Variants in TMC5 observed in about 807,000 individuals in gnomAD.
The protein encoded by TMC5 is transmembrane channel-like protein 5.
TMC5 carries 86 observed loss-of-function variants against 110.5 expected under a neutral mutation model. That is an observed-to-expected ratio of 0.78 (90% confidence interval 0.65 to 0.93). TMC5 has a LOEUF of 0.93. TMC5 is among the 40% of genes least tolerant of loss of function. TMC5 has a pLI of 0.00. For missense variants in TMC5, 1,144 were observed against 1,222.8 expected (o/e 0.94, Z 0.96); for synonymous variants, 455 against 439.5 (o/e 1.04, Z -0.44).
chr16:19,448,304 G>GCACACACACACA (rs35504788), intron 4 of TMC5, among the ~76,000 whole-genome samples: 1 of 142,188 alleles, frequency 7.0e-6, no homozygotes, highest in Non-Finnish European at 1.5e-5. Context: ...ACACACACAC[G>GCACACACACACA]CACACACACA....
Position 19,497,978 on chromosome 16 carries a change from G to T in TMC5, c.*12G>T. 1 of 1,612,998 alleles carries T rather than the reference G, an allele frequency of 6.2e-7. No individual in the cohort carries two copies. The highest frequency in any genetic ancestry group is 8.5e-7 in the Non-Finnish European group (1 of 1,179,042). On this transcript the variant is annotated 3_prime_UTR_variant, in exon 22 of 22. Coordinates refer to ENST00000542583, the MANE Select transcript of TMC5 (RefSeq NM_001261841.2). Reference sequence around the variant, plus strand: ...ATCCAAGGGCCTGATGACTCTTTTGGTAACCAGACACCAATCAAATAAGGG... The same window carrying T: ...ATCCAAGGGCCTGATGACTCTTTTGTTAACCAGACACCAATCAAATAAGGG...
rs145726955 is a variant in TMC5, at chr16:19,469,687, C to T, written c.1644C>T (p.Ala548=). The change falls in exon 10 of 22, where the codon GCC becomes GCT. Residue 548 remains alanine (A), a synonymous_variant. Coordinates refer to ENST00000542583, the MANE Select transcript of TMC5 (RefSeq NM_001261841.2). The part of the protein sequence containing the change: ...TCFFSLLFSM[A]KYFRNNFINP... ...TGCTTTCTGCCTTCTCTAGCATGGCCAAGTATTTCCGGAACAACTTCATTA... is the reference window on the plus strand; with the variant it reads ...TGCTTTCTGCCTTCTCTAGCATGGCTAAGTATTTCCGGAACAACTTCATTA... The T allele has an allele frequency of 1.2e-4, 190 of 1,613,978 alleles. No homozygotes were observed. The African/African-American group carries it at 1.9e-3, about 16-fold the overall frequency.
At chr16:19,454,154 T>G (rs1403188255) in intron 5 of TMC5, among the ~76,000 whole-genome samples, 5 of 151,782 alleles carry the variant, frequency 3.3e-5, no homozygotes. Flanking sequence ...TTCAAGCAAT[T>G]CTCCAGCCTC....
At chr16:19,485,133 CAAAT>C (rs1968709086) in intron 15 of TMC5, among the ~76,000 whole-genome samples, 1 of 125,158 alleles carries the variant, frequency 8.0e-6, no homozygotes, top group African/African-American at 3.0e-5. Context: ...TTTTTTTACT[CAAAT>C]AAGTTTTTTT....
In TMC5 at chr16:19,462,317, T is replaced by C. The variant is rs563747358; in HGVS notation, c.1149-963T>C. Among the ~76,000 whole-genome samples, 7 of 152,252 alleles carry C rather than the reference T, an allele frequency of 4.6e-5. No homozygotes were observed. The East Asian group carries it at 1.4e-3, about 29-fold the overall frequency. ...GATCTCTATGTACTTGATGCCAATA[T>C]CACCCCCTCTCCACTCCTTAGTTTC... On this transcript the variant is annotated intron_variant, in intron 6 of 21. Coordinates refer to ENST00000542583, the MANE Select transcript of TMC5 (RefSeq NM_001261841.2).
intron 1 of TMC5, among the ~76,000 whole-genome samples, chr16:19,418,618 TTTAC>T (rs1173110625): frequency 6.6e-6 from 1 of 152,138 alleles, no homozygotes; most frequent in Non-Finnish European, 1.5e-5. Context: ...AAAAAATCTA[TTTAC>T]TTCTTTATGG....
At chr16:19,453,376 G>GCTGACC (rs1967793267) in intron 5 of TMC5, among the ~76,000 whole-genome samples, 1 of 152,018 alleles carries the variant, frequency 6.6e-6, no homozygotes, top group African/African-American at 2.4e-5. Context: ...ATCACTTGAG[G>GCTGACC]TCAGGAGTTT....
At chr16:19,435,202 G>A (rs1387159327) in intron 2 of TMC5, among the ~76,000 whole-genome samples, 3 of 151,864 alleles carry the variant, frequency 2.0e-5, no homozygotes, top group African/African-American at 7.3e-5. Context: ...TTAAAATTTA[G>A]GAGTATAGGC....
At chr16:19,419,389 A>G (rs533257583) in intron 1 of TMC5, among the ~76,000 whole-genome samples, 2 of 147,000 alleles carry the variant, frequency 1.4e-5, no homozygotes, top group Admixed American at 1.4e-4. Context: ...GCTCAGTGGA[A>G]ATGAATGTGT....
chr16:19,471,276 A>G (rs371933057), intron 10 of TMC5, among the ~76,000 whole-genome samples: 2 of 152,038 alleles, frequency 1.3e-5, no homozygotes, highest in South Asian at 4.1e-4. Flanking sequence ...TTTTTTGTAG[A>G]GAGAGAATCT....
intron 18 of TMC5, among the ~76,000 whole-genome samples, chr16:19,491,847 C>CTT (rs11291822): frequency 6.6e-6 from 1 of 151,612 alleles, no homozygotes; most frequent in African/African-American, 2.4e-5. Flanking sequence ...ATCTTAGGGA[C>CTT]TTTTTTTTTA....
chr16:19,471,208 A>G (rs951199070), intron 10 of TMC5, among the ~76,000 whole-genome samples: 1 of 152,020 alleles, frequency 6.6e-6, no homozygotes, highest in Non-Finnish European at 1.5e-5. Flanking sequence ...CTCCCACCTC[A>G]GCCTGCTGAG....
chr16:19,467,617 G>T (rs1308242822), intron 9 of TMC5, among the ~76,000 whole-genome samples: 2 of 151,996 alleles, frequency 1.3e-5, no homozygotes, highest in Non-Finnish European at 1.5e-5. Flanking sequence ...TAGTAGCTGG[G>T]ACTATAGGTA....
intron 14 of TMC5, among the ~76,000 whole-genome samples, chr16:19,480,455 C>T (rs1002854961): frequency 1.3e-5 from 2 of 152,086 alleles, no homozygotes; most frequent in African/African-American, 4.8e-5. Flanking sequence ...TTTCCTCATT[C>T]ATTTTTGCCA....
chr16:19,469,603 G>A, intron 9 of TMC5, 78 bp from the exon 10 acceptor site: 1 of 1,567,146 alleles, frequency 6.4e-7, no homozygotes, highest in South Asian at 1.1e-5. Flanking sequence ...TAATAATAGG[G>A]CTGCCCTTTG....
chr16:19,434,438 T>C (rs1967292625), intron 2 of TMC5, among the ~76,000 whole-genome samples: 1 of 128,910 alleles, frequency 7.8e-6, no homozygotes, highest in Admixed American at 9.3e-5. Flanking sequence ...GTATATATCA[T>C]ATATATCTAT....
In TMC5 at chr16:19,439,983, A is replaced by T; in HGVS notation, c.-56A>T. ...AGGTGAAAAAAAAAAAAGATCCCTG[A>T]GTAATTGCAAATGCTGGGACAGTTT... On this transcript the variant is annotated 5_prime_UTR_variant, in exon 3 of 22. Transcript: ENST00000542583. The T allele has an allele frequency of 3.7e-6, 5 of 1,353,506 alleles. No homozygotes were observed. Among genetic ancestry groups the T allele is most frequent in the Non-Finnish European group, 5.1e-6 (5 of 985,932 alleles). The allele number at this position is 1,353,506 out of a possible 1,614,324, so 83.8% of individuals were successfully genotyped here.
chr16:19,423,567 GT>G (rs1425755462), intron 1 of TMC5, among the ~76,000 whole-genome samples: 22 of 152,208 alleles, frequency 1.4e-4, no homozygotes, highest in Admixed American at 1.2e-3. Context: ...ATAAGCTTGC[GT>G]TTTGTGTCTT....
chr16:19,414,299 T>G (rs1966866258), upstream of TMC5, among the ~76,000 whole-genome samples: 2 of 152,312 alleles, frequency 1.3e-5, no homozygotes, highest in East Asian at 1.9e-4. Context: ...GAAATAGATC[T>G]TTTTCTTTGA....
Sources: allele counts gnomAD v4.1 joint callset (sites outside exome capture counted in the v4.1 genomes callset), GRCh38; gene constraint gnomAD v4.1.1; transcripts MANE v1.5; gene names NCBI Gene and HGNC (gene_info 2026-07-23, HGNC 2026-07-21).